CYP4F11: variants seen among roughly 807,000 people sequenced by gnomAD.
CYP4F11 encodes the protein cytochrome P450 family 4 subfamily F member 11, also known as cytochrome P450 4F11.
Under a neutral mutation model 62.2 loss-of-function variants are expected in CYP4F11, and 79 were observed. The observed-to-expected ratio is 1.27, with a 90% CI of 1.06 to 1.53. The LOEUF (loss-of-function observed/expected upper bound fraction) is 1.53, where lower values mean the gene tolerates loss of function less well. Among genes scored for constraint, CYP4F11 ranks in the 40% most tolerant of loss-of-function variants. The pLI is 0.00. For missense variants in CYP4F11, 777 were observed against 680.5 expected, an observed-to-expected ratio of 1.14 and a Z score of -1.58; for synonymous variants, 290 against 263.7, an observed-to-expected ratio of 1.10 and a Z score of -0.97.
Position 15,914,758 on chromosome 19 carries a change from GC to G in CYP4F11, c.1249+3del. 1 of 1,614,110 alleles carries G rather than the reference GC, an allele frequency of 6.2e-7. No individual in the cohort carries two copies. Among genetic ancestry groups the G allele is most frequent in the Non-Finnish European group, 8.5e-7 (1 of 1,179,942 alleles). ...GAGGCTCCTCCCCCTGAGGCTGTGA[GC>G]ACCTTTGGGGATGACGCGGCCGTCT... On this transcript the variant is annotated splice_donor_region_variant and intron_variant, in intron 9 of 11. Coordinates refer to ENST00000402119, the MANE Select transcript of CYP4F11 (RefSeq NM_021187.4).
At position 15,927,228 on chromosome 19, in the gene CYP4F11, C is replaced by T. The variant is rs765474178; in HGVS notation, c.509G>A (p.Ser170Asn). The change falls in exon 4 of 12, where the codon AGT (serine) becomes AAT (asparagine). Residue 170 changes from serine (S) to asparagine (N), a missense_variant. Ser to Asn is a conservative substitution (Grantham distance 46). Transcript: ENST00000402119. ...GGGACTCACGTGCATGATGTTCACA[C>T]TCTTGTTGAAAATCTTCATATAAGG... The part of the protein sequence containing the change: ...LKPYMKIFNK[S>N]VNIMHDKWQR... 1.8e-5 allele frequency: 29 copies of T among 1,613,952 alleles called. No individual in the cohort carries two copies. The highest frequency in any genetic ancestry group is 1.1e-5 in the Non-Finnish European group (13 of 1,179,970).
chr19:15,929,783 G>A (rs1889319510), intron 1 of CYP4F11, among the ~76,000 whole-genome samples, 182 bp from the exon 2 acceptor site: 1 of 152,214 alleles, frequency 6.6e-6, no homozygotes, highest in African/African-American at 2.4e-5. Context: ...TAGGTAAACT[G>A]AGGAAGGATG....
At position 15,914,839 on chromosome 19, in the gene CYP4F11, A is replaced by T; in HGVS notation, c.1172T>A (p.Leu391Ter). The T allele has an allele frequency of 6.2e-7, 1 of 1,614,166 alleles. No homozygotes were observed. Residue 391 changes from leucine (L) to a stop codon, truncating the protein, a stop_gained, in exon 9 of 12, where the codon TTG (leucine) becomes TAG (stop). Coordinates refer to ENST00000402119, the MANE Select transcript of CYP4F11 (RefSeq NM_021187.4). LOFTEE classifies it high-confidence loss of function. ...LTMCIKESLR[L>*]HPPVPVISRC... ...GGAGATGACCGGGACTGGGGGATGC[A>T]ACCGCAGGCTCTCCTTAATGCACAT...
At chr19:15,928,240 G>GC (rs2089685005) in intron 2 of CYP4F11, 2 of 152,140 alleles carry the variant, frequency 1.3e-5, no homozygotes, top group Non-Finnish European at 2.9e-5. Flanking sequence ...ACTCTGACAT[G>GC]CCCCAAATGT....
At chr19:15,930,339 C>T (rs890522721) in intron 1 of CYP4F11, among the ~76,000 whole-genome samples, 1 of 152,134 alleles carries the variant, frequency 6.6e-6, no homozygotes, top group East Asian at 1.9e-4. Flanking sequence ...GCCTGTAATC[C>T]CAGCACTTTG....
chr19:15,928,618 T>G (rs2089687335), intron 2 of CYP4F11, among the ~76,000 whole-genome samples: 1 of 152,182 alleles, frequency 6.6e-6, no homozygotes, highest in Non-Finnish European at 1.5e-5. Context: ...TGAAAGAGAC[T>G]TCAGCAGCCA....
Position 15,927,753 on chromosome 19 carries a change from C to A in CYP4F11, c.344-270G>T, listed in dbSNP as rs1812548541. 3.1e-5 allele frequency: 16 copies of A among 513,692 alleles called. No homozygotes were observed. In the South Asian group the frequency reaches 4.0e-4, roughly 13 times the overall value. The allele number at this position is 513,692 out of a possible 1,614,324, so 31.8% of individuals were successfully genotyped here. A position where few individuals can be genotyped will look rare whatever the true frequency, so the allele number is the denominator to read the frequency against. ...TCCAACATGTTCTGCAACACCTGAG[C>A]ATAGCTCAACACTCTACAGAATGCC... is the stretch of plus-strand genomic sequence containing the variant. On this transcript the variant is annotated intron_variant, in intron 2 of 11. Coordinates refer to ENST00000402119, the MANE Select transcript of CYP4F11 (RefSeq NM_021187.4).
chr19:15,915,651 C>T (rs1329686402), intron 8 of CYP4F11, among the ~76,000 whole-genome samples: 3 of 151,698 alleles, frequency 2.0e-5, no homozygotes, highest in Non-Finnish European at 1.5e-5. Context: ...TACACATATT[C>T]CATATCTTTT....
chr19:15,932,509 GGAATGAGTGAGTGAGGAGAA>G (rs1285047983), intron 1 of CYP4F11, among the ~76,000 whole-genome samples: 3 of 5,996 alleles, frequency 5.0e-4, no homozygotes, highest in Non-Finnish European at 1.1e-3. Context: ...AGTGAGGAGA[GGAATGAGTGAGTGAGGAGAA>G]GAATGAGTGA....
chr19:15,932,480 G>GCGGGGAGAGGAA lies in CYP4F11; in HGVS notation c.198+1730_198+1731insTTCCTCTCCCCG, dbSNP rs2089735704. Among the ~76,000 whole-genome samples, 2 of 27,774 alleles carry GCGGGGAGAGGAA rather than the reference G, an allele frequency of 7.2e-5. 1 individual carries two copies. The highest frequency in any genetic ancestry group is 1.6e-4 in the Non-Finnish European group (2 of 12,640). 18.2% of individuals were successfully genotyped at this position (27,774 alleles called of 152,430 possible). On this transcript the variant is annotated intron_variant, in intron 1 of 11. Transcript: ENST00000402119. ...AGTGAGCGGGGAGAGGAATGAGTGA[G>GCGGGGAGAGGAA]TGAGGAGAGGAATGAGTGAGTGAGG...
At chr19:15,921,064 CT>C (rs2089623795) in intron 8 of CYP4F11, among the ~76,000 whole-genome samples, 1 of 5,742 alleles carries the variant, frequency 1.7e-4, no homozygotes, top group Admixed American at 2.2e-3. Context: ...GTCTCTCTCT[CT>C]CTCTCTCTCT....
chr19:15,924,656 A>C, intron 5 of CYP4F11, 105 bp downstream of exon 5: 2 of 1,366,762 alleles, frequency 1.5e-6, no homozygotes, highest in South Asian at 2.4e-5. Flanking sequence ...ACACACAGAA[A>C]GTGCCTTCAG....
At position 15,934,397 on chromosome 19, in the gene CYP4F11, C is replaced by T; in HGVS notation, c.12G>A (p.Leu4=). MPQ[L]SLSWLGLGPV... ...GCCCGAGGCCCAGCCAGGACAGGCT[C>T]AGCTGCGGCATCCTGCAGGGCAGAC... Residue 4 remains leucine (L), a synonymous_variant, in exon 1 of 12, where the codon CTG becomes CTA. Coordinates refer to ENST00000402119, the MANE Select transcript of CYP4F11 (RefSeq NM_021187.4). 1 of 1,613,184 alleles carries T rather than the reference C, an allele frequency of 6.2e-7. No homozygotes were observed. The highest frequency in any genetic ancestry group is 8.5e-7 in the Non-Finnish European group (1 of 1,179,654).
chr19:15,921,976 G>T, intron 8 of CYP4F11, 61 bp downstream of exon 8: 1 of 1,479,758 alleles, frequency 6.8e-7, no homozygotes, highest in South Asian at 1.6e-5. Flanking sequence ...CCCTCCCTCT[G>T]CCCACCTGAG....
At chr19:15,920,632 C>G (rs2365175) in intron 8 of CYP4F11, among the ~76,000 whole-genome samples, 1 of 151,912 alleles carries the variant, frequency 6.6e-6, no homozygotes, top group Non-Finnish European at 1.5e-5. Flanking sequence ...CTCTCCATCC[C>G]CAGCTCCTGG....
At chr19:15,929,310 A>T (rs1387132347) in intron 2 of CYP4F11, 147 bp downstream of exon 2, 3 of 1,074,696 alleles carry the variant, frequency 2.8e-6, no homozygotes, top group African/African-American at 3.2e-5. Context: ...GTTCGTGAAT[A>T]CATGAAGGAA....
In CYP4F11 at chr19:15,934,310, G is replaced by C. The variant is rs753189806; in HGVS notation, c.99C>G (p.Arg33=). 8 of 1,612,746 alleles carry C rather than the reference G, an allele frequency of 5.0e-6. No individual in the cohort carries two copies. The highest frequency in any genetic ancestry group is 6.8e-6 in the Non-Finnish European group (8 of 1,179,498). Residue 33 remains arginine (R), a synonymous_variant, in exon 1 of 12, where the codon CGC becomes CGG. Coordinates refer to ENST00000402119, the MANE Select transcript of CYP4F11 (RefSeq NM_021187.4). ...LLVGGSWLLA[R]VLAWTYTFYD... ...AGAAGGTGTAGGTCCAGGCCAGGAC[G>C]CGGGCCAGGAGCCAGGAGCCTCCAA...
intron 1 of CYP4F11, among the ~76,000 whole-genome samples, chr19:15,930,300 A>C (rs956508204): frequency 4.6e-5 from 7 of 152,264 alleles, no homozygotes; most frequent in Middle Eastern, 6.8e-3. Flanking sequence ...TCCAAGATCC[A>C]AAGATAATGG....
At chr19:15,927,084 G>T in intron 4 of CYP4F11, 128 bp downstream of exon 4, 1 of 1,101,206 alleles carries the variant, frequency 9.1e-7, no homozygotes, top group Non-Finnish European at 1.3e-6. Context: ...CCATTTTACA[G>T]ATAGGGAAAC....
Sources: gnomAD v4.1 joint callset for allele counts (sites outside exome capture counted in the v4.1 genomes callset) on GRCh38, gnomAD v4.1.1 for gene constraint, MANE v1.5 for transcripts, NCBI Gene and HGNC (gene_info 2026-07-23, HGNC 2026-07-21) for gene names.